Variants in CCDC91 observed in about 807,000 individuals in gnomAD.
The protein encoded by CCDC91 is coiled-coil domain-containing protein 91.
Under a neutral mutation model 63.2 loss-of-function variants are expected in CCDC91, and 48 were observed. The observed-to-expected ratio is 0.76, with a 90% confidence interval of 0.60 to 0.97. The LOEUF is 0.97. Among genes scored for constraint, CCDC91 ranks in the 50% least tolerant of loss-of-function variants. The probability of loss-of-function intolerance (pLI) is 0.00; values close to 1 mark genes in which losing one functional copy is unlikely to be tolerated. For synonymous variants in CCDC91, 167 were observed against 165.8 expected, an observed-to-expected ratio of 1.01 and a Z score of -0.06; for missense variants, 500 against 494.6, an observed-to-expected ratio of 1.01 and a Z score of -0.10.
intron 12 of CCDC91, among the ~76,000 whole-genome samples, chr12:28,542,991 A>G (rs545401872): frequency 6.6e-6 from 1 of 152,184 alleles, no homozygotes; most frequent in South Asian, 2.1e-4. Context: ...TCTGTAGGCC[A>G]GAAGCCCCAA....
intron 3 of CCDC91, chr12:28,304,646 G>T: frequency 7.9e-7 from 1 of 1,271,924 alleles, no homozygotes; most frequent in Non-Finnish European, 1.0e-6. Context: ...AATTTTCATT[G>T]TGAGCTGCCT....
chr12:28,500,912 C>A (rs1453813799), intron 12 of CCDC91, among the ~76,000 whole-genome samples: 1 of 151,606 alleles, frequency 6.6e-6, no homozygotes, highest in Non-Finnish European at 1.5e-5. Flanking sequence ...GCAAATCTTT[C>A]ATTTCAAATG....
intron 11 of CCDC91, among the ~76,000 whole-genome samples, chr12:28,472,925 T>G (rs2140697915): frequency 6.6e-6 from 1 of 152,244 alleles, no homozygotes; most frequent in South Asian, 2.1e-4. Context: ...GTTCATAAAT[T>G]TGTGTGGAAT....
rs113222392 is a variant in CCDC91 at position 28,533,415 on chromosome 12, G to A, written c.1216-15648G>A. 4.6e-5 allele frequency among the ~76,000 whole-genome samples: 7 copies of A among 151,848 alleles called. 1 individual carries two copies. Among genetic ancestry groups the A allele is most frequent in the Admixed American group, 1.3e-4 (2 of 15,246 alleles). Reference sequence around the variant, plus strand: ...ATTTTATTTTCCATCAATAGTTTACGTGGCTGTAAAATATGTACTATCTTT... The same window carrying A: ...ATTTTATTTTCCATCAATAGTTTACATGGCTGTAAAATATGTACTATCTTT... On this transcript the variant is annotated intron_variant, in intron 12 of 12. Coordinates refer to ENST00000536442, the MANE Select transcript of CCDC91 (RefSeq NM_018318.5).
intron 12 of CCDC91, among the ~76,000 whole-genome samples, chr12:28,544,740 A>C (rs184907278): frequency 4.6e-5 from 7 of 152,190 alleles, no homozygotes; most frequent in African/African-American, 1.7e-4. Context: ...ATTGACTTTG[A>C]ATGTTGCACT....
At chr12:28,379,237 C>A (rs1485900119) in intron 7 of CCDC91, among the ~76,000 whole-genome samples, 1 of 151,918 alleles carries the variant, frequency 6.6e-6, no homozygotes, top group African/African-American at 2.4e-5. Context: ...AGGACATAGG[C>A]ATGGGCAAGG....
chr12:28,460,291 T>G (rs1261314138), intron 11 of CCDC91, among the ~76,000 whole-genome samples: 1 of 152,116 alleles, frequency 6.6e-6, no homozygotes, highest in East Asian at 1.9e-4. Flanking sequence ...CACTCTGAAG[T>G]TCGTTTACGT....
chr12:28,278,639 T>A (rs1948401339), intron 3 of CCDC91, among the ~76,000 whole-genome samples: 1 of 152,108 alleles, frequency 6.6e-6, no homozygotes, highest in Admixed American at 6.6e-5. Flanking sequence ...GTAATCATCA[T>A]GTTCCTTTTG....
At chr12:28,438,834 T>G (rs1158945468) in intron 8 of CCDC91, among the ~76,000 whole-genome samples, 1 of 152,206 alleles carries the variant, frequency 6.6e-6, no homozygotes, top group African/African-American at 2.4e-5. Context: ...GAGGAGCATC[T>G]GTACTAAGTT....
At chr12:28,407,621 AAT>A (rs1198730161) in intron 8 of CCDC91, among the ~76,000 whole-genome samples, 2 of 152,166 alleles carry the variant, frequency 1.3e-5, no homozygotes, top group Non-Finnish European at 2.9e-5. Context: ...TCCACCAAGC[AAT>A]TTCTACAACA....
intron 12 of CCDC91, among the ~76,000 whole-genome samples, chr12:28,548,613 A>G (rs960240048): frequency 1.3e-5 from 2 of 152,040 alleles, no homozygotes; most frequent in African/African-American, 4.8e-5. Flanking sequence ...AACTTTCTCT[A>G]ATTTCAGCAA....
chr12:28,370,413 A>G (rs1259232596), intron 7 of CCDC91, among the ~76,000 whole-genome samples: 1 of 152,198 alleles, frequency 6.6e-6, no homozygotes, highest in Non-Finnish European at 1.5e-5. Flanking sequence ...CCAGATCCCA[A>G]TAGGTTTCTC....
intron 1 of CCDC91, among the ~76,000 whole-genome samples, chr12:28,194,849 C>G (rs1941613635): frequency 6.6e-6 from 1 of 151,806 alleles, no homozygotes; most frequent in Non-Finnish European, 1.5e-5. Context: ...GGTGGCGTGT[C>G]CGGAGTTGTT....
intron 8 of CCDC91, among the ~76,000 whole-genome samples, chr12:28,447,611 G>A (rs115855829): frequency 6.7e-6 from 1 of 149,332 alleles, no homozygotes; most frequent in South Asian, 2.2e-4. Context: ...AGCACTTTGG[G>A]AAGCTAAGGT....
At chr12:28,225,967 T>G (rs1944247338) in intron 1 of CCDC91, 1 of 152,226 alleles carries the variant, frequency 6.6e-6, no homozygotes, top group Non-Finnish European at 1.5e-5. Flanking sequence ...TTCCAGCCTG[T>G]TGGTGAAGCT....
intron 6 of CCDC91, among the ~76,000 whole-genome samples, chr12:28,342,870 TATTGGAG>T (rs1942535639): frequency 6.6e-6 from 1 of 152,014 alleles, no homozygotes; most frequent in South Asian, 2.1e-4. Flanking sequence ...GTTGAGGAGA[TATTGGAG>T]GTTTGAGTGT....
At chr12:28,245,124 C>T (rs1295577323) in intron 1 of CCDC91, among the ~76,000 whole-genome samples, 3 of 151,980 alleles carry the variant, frequency 2.0e-5, no homozygotes, top group African/African-American at 4.8e-5. Flanking sequence ...CATGGTATAT[C>T]TTAGTTGTAG....
At chr12:28,537,602 A>T (rs1817613774) in intron 12 of CCDC91, among the ~76,000 whole-genome samples, 1 of 152,354 alleles carries the variant, frequency 6.6e-6, no homozygotes. Flanking sequence ...AAGCAAGGTC[A>T]GAAGTAAACA....
At chr12:28,455,830 A>G (rs191705863) in intron 11 of CCDC91, among the ~76,000 whole-genome samples, 31 of 152,160 alleles carry the variant, frequency 2.0e-4, no homozygotes, top group African/African-American at 6.0e-4. Flanking sequence ...TTTTATGTCA[A>G]TTCCTCACAA....
Sources: allele counts gnomAD v4.1 joint callset (sites outside exome capture counted in the v4.1 genomes callset), GRCh38; gene constraint gnomAD v4.1.1; transcripts MANE v1.5; gene names NCBI Gene and HGNC (gene_info 2026-07-23, HGNC 2026-07-21).